Variants in ACOT11 observed in about 807,000 individuals in gnomAD.
ACOT11 encodes the protein acyl-CoA thioesterase 11, also known as acyl-coenzyme A thioesterase 11.
In ACOT11, 69 loss-of-function variants were observed where a neutral mutation model predicts 77.5. The observed-to-expected ratio is 0.89, with a 90% CI of 0.73 to 1.09. ACOT11 has a LOEUF of 1.09. Ranked by LOEUF, ACOT11 falls within the 50% of genes least tolerant of loss-of-function variation. The pLI is 0.00. For missense variants in ACOT11, 766 were observed against 813.7 expected, an observed-to-expected ratio of 0.94 and a Z score of 0.71; for synonymous variants, 279 against 313.0, an observed-to-expected ratio of 0.89 and a Z score of 1.15.
chr1:54,562,496 A>ACC (rs758350266), intron 1 of ACOT11, among the ~76,000 whole-genome samples: 1 of 46,946 alleles, frequency 2.1e-5, no homozygotes, highest in Non-Finnish European at 4.1e-5. Context: ...CGGGGGGCTG[A>ACC]CCCCCCCACC....
chr1:54,590,977 C>T (rs1047007360), intron 3 of ACOT11, among the ~76,000 whole-genome samples: 49 of 152,160 alleles, frequency 3.2e-4, no homozygotes, highest in African/African-American at 1.1e-3. Flanking sequence ...AGGCTGGTCT[C>T]GAACATATGA....
chr1:54,595,363 T>C (rs983516654), intron 6 of ACOT11, among the ~76,000 whole-genome samples: 1 of 152,080 alleles, frequency 6.6e-6, no homozygotes, highest in African/African-American at 2.4e-5. Flanking sequence ...AATAAATAAG[T>C]ATATAGCATA....
At chr1:54,614,929 A>C, downstream of ACOT11, 2 of 1,490,238 alleles carry the variant, frequency 1.3e-6, no homozygotes, top group Non-Finnish European at 1.8e-6. Flanking sequence ...CCTGGGCAGA[A>C]AGCAGAGCGG....
chr1:54,550,092 TGACTTGCCCAA>T (rs1328371354), intron 1 of ACOT11, among the ~76,000 whole-genome samples: 5 of 152,212 alleles, frequency 3.3e-5, no homozygotes, highest in Non-Finnish European at 7.3e-5. Context: ...AGAGGGTAAG[TGACTTGCCCAA>T]GATCACACTG....
chr1:54,636,375 C>T (rs1056012568), exon 17 of ACOT11: 4 of 152,212 alleles, frequency 2.6e-5, no homozygotes, highest in Admixed American at 2.0e-4. Flanking sequence ...ACAAAGGTCT[C>T]TGCATCATAA....
At chr1:54,597,663 C>G in intron 7 of ACOT11, 1 of 544,702 alleles carries the variant, frequency 1.8e-6, no homozygotes, top group South Asian at 2.2e-5. Context: ...TTGATCTGGC[C>G]CTACCTGCAC....
intron 15 of ACOT11, among the ~76,000 whole-genome samples, chr1:54,619,692 G>A (rs1236386927): frequency 6.6e-6 from 1 of 152,180 alleles, no homozygotes; most frequent in East Asian, 1.9e-4. Flanking sequence ...TTTGTCAGCT[G>A]CACAACCTTG....
intron 1 of ACOT11, among the ~76,000 whole-genome samples, chr1:54,568,585 A>G (rs184602499): frequency 3.4e-4 from 51 of 152,072 alleles, no homozygotes; most frequent in South Asian, 1.5e-3. Context: ...ACTGGTCTCC[A>G]GCTCCCAACC....
Position 54,584,525 on chromosome 1 carries a change from G to A in ACOT11, c.34-130G>A. 1 of 801,920 alleles carries A rather than the reference G, an allele frequency of 1.2e-6. No homozygotes were observed. The allele number at this position is 801,920 out of a possible 1,614,324, so 49.7% of individuals were successfully genotyped here. On this transcript the variant is annotated intron_variant, in intron 1 of 15. Coordinates refer to ENST00000343744, the MANE Select transcript of ACOT11 (RefSeq NM_147161.4). The surrounding 1 kb of genome is among the most constrained non-coding windows in gnomAD (Gnocchi z 6.3). The stretch of plus-strand genomic sequence containing the variant: ...GGAGGGTGGTGACCACTCTCGGGTT[G>A]GGGTCTGGTGGGAGGTGGCCCTAGG...
intron 6 of ACOT11, 63 bp downstream of exon 6, chr1:54,594,754 G>A (rs758486037): frequency 1.7e-5 from 27 of 1,551,312 alleles, no homozygotes; most frequent in South Asian, 4.9e-5. Flanking sequence ...CCTCTGCCCC[G>A]GGCTCCCACT....
intron 15 of ACOT11, among the ~76,000 whole-genome samples, chr1:54,608,690 C>T (rs1000731408): frequency 3.3e-5 from 5 of 152,114 alleles, no homozygotes; most frequent in African/African-American, 9.7e-5. Flanking sequence ...CTCTGGCTGG[C>T]GGGGAAGATG....
At chr1:54,586,792 G>T (rs890788897) in intron 3 of ACOT11, among the ~76,000 whole-genome samples, 1 of 151,944 alleles carries the variant, frequency 6.6e-6, no homozygotes, top group African/African-American at 2.4e-5. Context: ...TTCATCACAC[G>T]CACTGGGCTT....
chr1:54,629,529 G>A lies in ACOT11; in HGVS notation c.1630-1205G>A, dbSNP rs530476553. On this transcript the variant is annotated intron_variant, in intron 15 of 16. Coordinates refer to the ACOT11 transcript ENST00000371316. ...TCTCAATCTCCTGACCTCGTGATAC[G>A]CCTGCCTCAGCCTCCTAAAGGGCTG... Among the ~76,000 whole-genome samples the A allele has an allele frequency of 5.3e-5, 7 of 132,938 alleles. 1 individual carries two copies. Among genetic ancestry groups the A allele is most frequent in the Non-Finnish European group, 8.5e-5 (5 of 58,746 alleles). 87.2% of individuals were successfully genotyped at this position (132,938 alleles called of 152,430 possible).
chr1:54,631,645 A>T lies in ACOT11; in HGVS notation c.1782+759A>T, dbSNP rs1569817834. 2.0e-5 allele frequency among the ~76,000 whole-genome samples: 3 copies of T among 152,298 alleles called. No individual in the cohort carries two copies. The South Asian group carries it at 6.2e-4, about 32-fold the overall frequency. On this transcript the variant is annotated intron_variant, in intron 16 of 16. Transcript: ENST00000371316. ...ACAAGTGGTCATGCAGGATGATGCCATGGAACAGCTTAGAGCAGTGTGCAT... is the reference window on the plus strand; with the variant it reads ...ACAAGTGGTCATGCAGGATGATGCCTTGGAACAGCTTAGAGCAGTGTGCAT...
At chr1:54,565,418 T>A (rs998568423) in intron 1 of ACOT11, among the ~76,000 whole-genome samples, 1 of 152,112 alleles carries the variant, frequency 6.6e-6, no homozygotes, top group African/African-American at 2.4e-5. Context: ...AGTTGTTGGG[T>A]GACCTGATCG....
downstream of ACOT11, chr1:54,611,704 G>T (rs137923187): frequency 1.2e-4 from 187 of 1,614,098 alleles, no homozygotes; most frequent in Non-Finnish European, 1.5e-4. Flanking sequence ...ATCTTCCACC[G>T]ACATGGGGTC....
chr1:54,611,508 TTC>T, downstream of ACOT11: 1 of 1,217,208 alleles, frequency 8.2e-7, no homozygotes, highest in South Asian at 1.4e-5. Flanking sequence ...GCCTTCCCCC[TTC>T]TGATATCCCT....
intron 1 of ACOT11, among the ~76,000 whole-genome samples, chr1:54,576,059 TGG>T (rs763248135): frequency 6.6e-5 from 10 of 152,144 alleles, no homozygotes; most frequent in Non-Finnish European, 1.5e-4. Context: ...TCCACCTCCC[TGG>T]GGAGTTTCTC....
At chr1:54,636,588 C>T (rs553405278) in exon 17 of ACOT11, 1 of 152,220 alleles carries the variant, frequency 6.6e-6, no homozygotes, top group Non-Finnish European at 1.5e-5. Flanking sequence ...GAGCAGGAGA[C>T]AGAAGCCTTC....
Sources: gnomAD v4.1 joint callset for allele counts (sites outside exome capture counted in the v4.1 genomes callset) on GRCh38, gnomAD v4.1.1 for gene constraint, Gnocchi (gnomAD v3.1) non-coding constraint, MANE v1.5 for transcripts, NCBI Gene and HGNC (gene_info 2026-07-23, HGNC 2026-07-21) for gene names.